Variants in TMCO5A observed in about 807,000 individuals in gnomAD.
TMCO5A encodes transmembrane and coiled-coil domains 5A.
TMCO5A carries 34 observed loss-of-function variants against 42.3 expected under a neutral mutation model. The observed-to-expected ratio is 0.80, with a 90% CI of 0.61 to 1.07. The LOEUF is 1.07. TMCO5A is among the 50% of genes least tolerant of loss of function. TMCO5A has a pLI of 0.00. For synonymous variants in TMCO5A, 131 were observed against 115.6 expected (o/e 1.13, Z -0.86); for missense variants, 357 against 327.9 (o/e 1.09, Z -0.69).
chr15:38,008,190 C>T, the TMCO5A span, among the ~76,000 whole-genome samples: 3 of 151,406 alleles, frequency 2.0e-5, no homozygotes, highest in East Asian at 2.0e-4. Flanking sequence ...CCACCGTGCC[C>T]AGCCAAACTC....
At chr15:37,961,769 T>C (rs1195704040) in intron 11 of TMCO5A, among the ~76,000 whole-genome samples, 2 of 152,012 alleles carry the variant, frequency 1.3e-5, no homozygotes, top group East Asian at 3.9e-4. Flanking sequence ...AGGTAAATTC[T>C]TGAATATTTT....
chr15:38,011,771 C>T, the TMCO5A span, among the ~76,000 whole-genome samples: 3 of 152,136 alleles, frequency 2.0e-5, no homozygotes, highest in Admixed American at 6.5e-5. Context: ...TTTGCTTCCA[C>T]GTGTTTCTGT....
At position 37,936,972 on chromosome 15, in the gene TMCO5A, TA is replaced by T; in HGVS notation, c.264+4del. The T allele has an allele frequency of 6.2e-7, 1 of 1,612,008 alleles. No individual in the cohort carries two copies. The highest frequency in any genetic ancestry group is 8.5e-7 in the Non-Finnish European group (1 of 1,178,796). ...CTGGAGGAAGAAACAGCCAGACTTG[TA>T]AGCAAGAAGTTGGGAAGAGCCATTT... is the stretch of plus-strand genomic sequence containing the variant. On this transcript the variant is annotated splice_donor_region_variant and intron_variant, in intron 4 of 11. Coordinates refer to ENST00000319669, the MANE Select transcript of TMCO5A (RefSeq NM_152453.4).
At chr15:37,992,136 A>G in the TMCO5A span, among the ~76,000 whole-genome samples, 2 of 152,176 alleles carry the variant, frequency 1.3e-5, no homozygotes, top group Non-Finnish European at 2.9e-5. Flanking sequence ...TCTATGAAGA[A>G]CTTAGACAAA....
At chr15:37,971,174 C>T (rs1398362286), downstream of TMCO5A, among the ~76,000 whole-genome samples, 2 of 152,248 alleles carry the variant, frequency 1.3e-5, no homozygotes, top group African/African-American at 4.8e-5. Flanking sequence ...TTCCATACAA[C>T]CTCTGAAATC....
At chr15:37,981,396 T>A in the TMCO5A span, among the ~76,000 whole-genome samples, 2 of 152,166 alleles carry the variant, frequency 1.3e-5, no homozygotes, top group African/African-American at 4.8e-5. Flanking sequence ...GCTGCCACTT[T>A]ATGTGCTTTT....
At chr15:38,017,801 T>C in the TMCO5A span, among the ~76,000 whole-genome samples, 11 of 152,224 alleles carry the variant, frequency 7.2e-5, no homozygotes, top group African/African-American at 1.7e-4. Context: ...TTATCTCCAA[T>C]TGTAGTCCCT....
chr15:38,021,641 C>T, the TMCO5A span, among the ~76,000 whole-genome samples: 1 of 152,016 alleles, frequency 6.6e-6, no homozygotes, highest in Non-Finnish European at 1.5e-5. Context: ...ACAAGAACCA[C>T]TTGAAATATC....
the TMCO5A span, among the ~76,000 whole-genome samples, chr15:37,975,351 T>C: frequency 6.6e-6 from 1 of 152,238 alleles, no homozygotes; most frequent in Non-Finnish European, 1.5e-5. Context: ...AGTCTCCTAC[T>C]ATTACTGTTT....
At chr15:37,962,298 A>G (rs1014331628) in intron 11 of TMCO5A, among the ~76,000 whole-genome samples, 3 of 152,062 alleles carry the variant, frequency 2.0e-5, no homozygotes, top group African/African-American at 7.2e-5. Context: ...TGAGATGATC[A>G]TGTGATTTTG....
intron 10 of TMCO5A, chr15:37,943,600 C>A (rs537817959): frequency 3.7e-6 from 2 of 537,554 alleles, no homozygotes; most frequent in South Asian, 2.6e-5. Context: ...TCTCATTCAG[C>A]CATACAAATA....
chr15:37,999,883 C>T, the TMCO5A span, among the ~76,000 whole-genome samples: 1 of 152,252 alleles, frequency 6.6e-6, no homozygotes, highest in African/African-American at 2.4e-5. Flanking sequence ...CCCACTTGGT[C>T]ATACTGAATG....
chr15:38,011,984 C>T, the TMCO5A span, among the ~76,000 whole-genome samples: 5 of 152,002 alleles, frequency 3.3e-5, no homozygotes, highest in Admixed American at 6.6e-5. Flanking sequence ...AGTAGCCTGG[C>T]GCAGTGCCGG....
In TMCO5A at chr15:37,951,019, T is replaced by A. The variant is rs766033801; in HGVS notation, c.669-17T>A. ...TCTAAGCTTCTGGTTAACAGTTTCA[T>A]GGCATTCTCTTTTTAGGATTTTTTG... is the stretch of plus-strand genomic sequence containing the variant. On this transcript the variant is annotated splice_polypyrimidine_tract_variant and intron_variant, in intron 11 of 11. Transcript: ENST00000319669. 1.7e-5 allele frequency: 28 copies of A among 1,608,826 alleles called. No individual in the cohort carries two copies. The highest frequency in any genetic ancestry group is 2.3e-5 in the Non-Finnish European group (27 of 1,178,238).
downstream of TMCO5A, among the ~76,000 whole-genome samples, chr15:37,952,564 C>T (rs1050729250): frequency 3.3e-5 from 5 of 152,124 alleles, no homozygotes; most frequent in South Asian, 8.3e-4. Flanking sequence ...TAACCAGCAG[C>T]GATACTTAAG....
intron 11 of TMCO5A, among the ~76,000 whole-genome samples, chr15:37,964,967 G>A (rs1224567110): frequency 6.6e-6 from 1 of 151,990 alleles, no homozygotes; most frequent in African/African-American, 2.4e-5. Flanking sequence ...ACTATCCTAA[G>A]GAAAAAGAAT....
At chr15:37,965,431 T>C (rs780104293) in intron 11 of TMCO5A, among the ~76,000 whole-genome samples, 3 of 152,160 alleles carry the variant, frequency 2.0e-5, no homozygotes, top group Non-Finnish European at 4.4e-5. Context: ...GCTATAAAGC[T>C]TCTGCACAGC....
chr15:37,944,386 T>C (rs1044107640), intron 10 of TMCO5A: 3 of 152,090 alleles, frequency 2.0e-5, no homozygotes, highest in East Asian at 3.9e-4. Flanking sequence ...CTTCTAACTA[T>C]GTGTCAGAGG....
intron 1 of TMCO5A, among the ~76,000 whole-genome samples, 185 bp downstream of exon 1, chr15:37,934,879 C>T (rs1349278703): frequency 6.6e-6 from 1 of 152,148 alleles, no homozygotes; most frequent in Non-Finnish European, 1.5e-5. Flanking sequence ...AACCTACATC[C>T]ATGCCCATGG....
Sources: allele counts gnomAD v4.1 joint callset (sites outside exome capture counted in the v4.1 genomes callset), GRCh38; gene constraint gnomAD v4.1.1; transcripts MANE v1.5; gene names NCBI Gene and HGNC (gene_info 2026-07-23, HGNC 2026-07-21).